The following TRRAP variants were observed in gnomAD, a reference collection of about 807,000 sequenced individuals.
TRRAP encodes transformation/transcription domain associated protein, also known as transformation/transcription domain-associated protein.
TRRAP carries 41 observed loss-of-function variants against 438.8 expected under a neutral mutation model. The ratio of observed to expected loss-of-function variants is 0.09; its 90% CI spans 0.07 to 0.12. The LOEUF is 0.12. Among genes scored for constraint, TRRAP ranks in the 10% least tolerant of loss-of-function variants. The probability of loss-of-function intolerance (pLI) is 1.00; values close to 1 mark genes in which losing one functional copy is unlikely to be tolerated. For synonymous variants in TRRAP, 1,994 were observed against 1,962.9 expected (o/e 1.02, Z -0.42); for missense variants, 3,122 against 5,055.1 (o/e 0.62, Z 11.60).
chr7:98,885,357 C>T (rs918239895), intron 3 of TRRAP, among the ~76,000 whole-genome samples: 2 of 151,978 alleles, frequency 1.3e-5, no homozygotes, highest in African/African-American at 4.8e-5. Context: ...GCTGGTATTA[C>T]AGGTGTAACC....
rs114101757 is a variant in TRRAP at position 99,012,702 on chromosome 7, G to A, written c.*347G>A. The A allele has an allele frequency of 3.5e-3, 995 of 282,452 alleles. 6 individuals carry two copies. The highest frequency in any genetic ancestry group is 0.021 in the African/African-American group (938 of 45,718). The allele number at this position is 282,452 out of a possible 1,614,324, so 17.5% of individuals were successfully genotyped here. A position where few individuals can be genotyped will look rare whatever the true frequency, so the allele number is the denominator to read the frequency against. ...TGTGAATGTACAGGCGGAACTGTAC[G>A]AACAGCTCCCTTCCATCCATTTTTA... On this transcript the variant is annotated 3_prime_UTR_variant, in exon 73 of 73. Transcript: ENST00000456197. This position sits in a 1 kb window ranked among gnomAD's most constrained non-coding sequence, Gnocchi z 5.9.
At chr7:98,947,740 G>A (rs1247480236) in intron 33 of TRRAP, among the ~76,000 whole-genome samples, 1 of 152,218 alleles carries the variant, frequency 6.6e-6, no homozygotes, top group East Asian at 1.9e-4. Flanking sequence ...ACAGGCATGA[G>A]CTACCACACT....
chr7:98,941,212 G>A (rs1174031755), intron 30 of TRRAP, among the ~76,000 whole-genome samples: 10 of 152,162 alleles, frequency 6.6e-5, no homozygotes, highest in African/African-American at 2.2e-4. Context: ...GCCTTGCTCT[G>A]TGTCCCAGGC....
chr7:98,978,410 T>C (rs1000838775), intron 57 of TRRAP, 87 bp downstream of exon 57: 2 of 1,234,456 alleles, frequency 1.6e-6, no homozygotes, highest in Admixed American at 2.2e-5. Flanking sequence ...AATGAGCGTT[T>C]TTTAAAGAAA....
rs113289651 is a variant in TRRAP at position 98,891,462 on chromosome 7, A to G, written c.262-962A>G. Among the ~76,000 whole-genome samples the G allele has an allele frequency of 2.7e-3, 402 of 151,494 alleles. 6 individuals are homozygous for G. The highest frequency in any genetic ancestry group is 9.5e-3 in the African/African-American group (392 of 41,310). ...GTGATCCGCCCACCTCGGCCTCCCAAAGTGCCGAGACTACAGGCGTGAGCC... is the reference window on the plus strand; with the variant it reads ...GTGATCCGCCCACCTCGGCCTCCCAGAGTGCCGAGACTACAGGCGTGAGCC... On this transcript the variant is annotated intron_variant, in intron 4 of 72. Coordinates refer to ENST00000456197, the MANE Select transcript of TRRAP (RefSeq NM_001375524.1).
chr7:98,980,573 C>T (rs1447159675), intron 58 of TRRAP, among the ~76,000 whole-genome samples: 3 of 152,098 alleles, frequency 2.0e-5, no homozygotes, highest in African/African-American at 4.8e-5. Context: ...CCAGGCTCAT[C>T]GGCTGCTCCA....
chr7:98,942,573 A>G (rs1554415910), intron 30 of TRRAP, among the ~76,000 whole-genome samples: 1 of 152,180 alleles, frequency 6.6e-6, no homozygotes, highest in East Asian at 1.9e-4. Flanking sequence ...CTCCGCAAGG[A>G]GAGGGACATC....
chr7:99,003,365 A>G (rs1794018923), intron 67 of TRRAP, among the ~76,000 whole-genome samples: 1 of 152,150 alleles, frequency 6.6e-6, no homozygotes, highest in Non-Finnish European at 1.5e-5. Flanking sequence ...TTTAGGATCT[A>G]TCTCCTGGGT....
chr7:98,899,844 A>G, intron 10 of TRRAP, 77 bp downstream of exon 10: 1 of 1,513,170 alleles, frequency 6.6e-7, no homozygotes, highest in South Asian at 1.1e-5. Context: ...CATTCTTAAG[A>G]CATGAAAATT....
chr7:99,008,052 C>T (rs1209043913), intron 69 of TRRAP, among the ~76,000 whole-genome samples: 3 of 152,020 alleles, frequency 2.0e-5, no homozygotes, highest in Non-Finnish European at 4.4e-5. Context: ...TCTCGATCTC[C>T]TGACCTCGTG....
At chr7:98,924,137 A>C (rs1290244659) in intron 21 of TRRAP, among the ~76,000 whole-genome samples, 5 of 152,238 alleles carry the variant, frequency 3.3e-5, no homozygotes, top group Admixed American at 1.3e-4. Flanking sequence ...CATGTAGGTG[A>C]GGCAGAATCT....
rs1562986717 is a variant in TRRAP, at chr7:99,012,654, CT to C, written c.*306del. 27 of 426,144 alleles carry C rather than the reference CT, an allele frequency of 6.3e-5. No homozygotes were observed. Among genetic ancestry groups the C allele is most frequent in the Middle Eastern group, 6.2e-4 (1 of 1,622 alleles). The allele number at this position is 426,144 out of a possible 1,614,324, so 26.4% of individuals were successfully genotyped here. ...CCGGTCTGGAATTTCTGAGTGAGTC[CT>C]TTTTTTATGGTGTCCTCCCTCTGTG... is the stretch of plus-strand genomic sequence containing the variant. On this transcript the variant is annotated 3_prime_UTR_variant, in exon 73 of 73. Transcript: ENST00000456197. The surrounding 1 kb of genome is among the most constrained non-coding windows in gnomAD (Gnocchi z 5.9).
chr7:98,927,486 G>A lies in TRRAP; in HGVS notation c.3175+120G>A, dbSNP rs368191460. On this transcript the variant is annotated intron_variant, in intron 23 of 72. Coordinates refer to ENST00000456197, the MANE Select transcript of TRRAP (RefSeq NM_001375524.1). ...AGCTGAGTTTGGCTGATTGATTTTC[G>A]GCTTTTATTTTCCAATTTTCCATTT... The A allele has an allele frequency of 4.1e-5, 54 of 1,304,692 alleles. 1 individual carries two copies. The highest frequency in any genetic ancestry group is 2.8e-4 in the African/African-American group (19 of 66,976). The allele number at this position is 1,304,692 out of a possible 1,614,324, so 80.8% of individuals were successfully genotyped here.
At chr7:98,899,634 A>T (rs782208854) in intron 9 of TRRAP, 45 bp from the exon 10 acceptor site, 1 of 1,611,958 alleles carries the variant, frequency 6.2e-7, no homozygotes, top group Non-Finnish European at 8.5e-7. Context: ...TTTTGTCGCC[A>T]TAGCAGAGTG....
At chr7:98,975,100 G>A (rs1792595086) in intron 53 of TRRAP, among the ~76,000 whole-genome samples, 1 of 152,244 alleles carries the variant, frequency 6.6e-6, no homozygotes, top group South Asian at 2.1e-4. Context: ...TGGTCAGGGT[G>A]AAGTGTGTGG....
chr7:98,962,894 G>C (rs1271994837), intron 47 of TRRAP, among the ~76,000 whole-genome samples: 4 of 152,128 alleles, frequency 2.6e-5, no homozygotes, highest in Non-Finnish European at 5.9e-5. Context: ...GGGTCACTCT[G>C]GCCCCAGGTA....
Position 99,004,341 on chromosome 7 carries a change from A to C in TRRAP, c.10461A>C (p.Ala3487=). ...GCCGGTTCTTGAGCAATTTCTCGGCACAGACAGCTGAAGTGGAAATTCCTG... is the reference window on the plus strand; with the variant it reads ...GCCGGTTCTTGAGCAATTTCTCGGCCCAGACAGCTGAAGTGGAAATTCCTG... The part of the protein sequence containing the change: ...EKCRFLSNFS[A]QTAEVEIPGE... The change falls in exon 68 of 73, where the codon GCA becomes GCC. Residue 3487 remains alanine (A), a synonymous_variant. Transcript: ENST00000456197. The C allele has an allele frequency of 6.2e-7, 1 of 1,614,222 alleles. No individual in the cohort carries two copies.
intron 3 of TRRAP, among the ~76,000 whole-genome samples, chr7:98,888,223 C>A (rs1339172044): frequency 2.0e-5 from 3 of 149,186 alleles, no homozygotes; most frequent in African/African-American, 5.0e-5. Flanking sequence ...GAGCGAGACT[C>A]CATCTCAAAA....
intron 3 of TRRAP, among the ~76,000 whole-genome samples, chr7:98,882,549 G>C (rs1795499549): frequency 6.6e-6 from 1 of 151,978 alleles, no homozygotes; most frequent in Non-Finnish European, 1.5e-5. Context: ...TTTTAGTAGA[G>C]ACGGGGTTTC....
Sources: gnomAD v4.1 joint callset for allele counts (sites outside exome capture counted in the v4.1 genomes callset) on GRCh38, gnomAD v4.1.1 for gene constraint, Gnocchi (gnomAD v3.1) non-coding constraint, MANE v1.5 for transcripts, NCBI Gene and HGNC (gene_info 2026-07-23, HGNC 2026-07-21) for gene names.